Variants in PITPNC1 observed in about 807,000 individuals in gnomAD.
The protein encoded by PITPNC1 is cytoplasmic phosphatidylinositol transfer protein 1.
Under a neutral mutation model 44.7 loss-of-function variants are expected in PITPNC1, and 18 were observed. The observed-to-expected ratio is 0.40, with a 90% CI of 0.28 to 0.60. The LOEUF is 0.60. Among genes scored for constraint, PITPNC1 ranks in the 20% least tolerant of loss-of-function variants. The pLI is 0.39. For missense variants in PITPNC1, 290 were observed against 418.4 expected, an observed-to-expected ratio of 0.69 and a Z score of 2.68; for synonymous variants, 141 against 149.6, an observed-to-expected ratio of 0.94 and a Z score of 0.42.
intron 1 of PITPNC1, among the ~76,000 whole-genome samples, chr17:67,481,476 C>G (rs375936471): frequency 6.6e-6 from 1 of 152,178 alleles, no homozygotes; most frequent in East Asian, 1.9e-4. Flanking sequence ...GCTGGGACAG[C>G]TTTCGGTCTC....
chr17:67,608,234 T>TA (rs150137801), intron 5 of PITPNC1, among the ~76,000 whole-genome samples: 4,169 of 122,228 alleles, frequency 0.034, 204 homozygotes, highest in African/African-American at 0.12. Flanking sequence ...AAATGTCAAT[T>TA]AAAAAAAAAA....
At chr17:67,507,839 C>T (rs372630500) in intron 1 of PITPNC1, among the ~76,000 whole-genome samples, 2 of 152,068 alleles carry the variant, frequency 1.3e-5, no homozygotes, top group East Asian at 3.9e-4. Context: ...CTTCCCCTAC[C>T]CCTTCACTGT....
chr17:67,632,699 G>A (rs2041986960), intron 6 of PITPNC1, among the ~76,000 whole-genome samples: 1 of 149,938 alleles, frequency 6.7e-6, no homozygotes, highest in African/African-American at 2.5e-5. Context: ...TCCTGAGTAT[G>A]TGGGATTACA....
At chr17:67,681,600 C>A (rs1398538943) in intron 8 of PITPNC1, among the ~76,000 whole-genome samples, 11 of 75,494 alleles carry the variant, frequency 1.5e-4, no homozygotes, top group African/African-American at 4.1e-4. Flanking sequence ...CAGAGCAAAA[C>A]CCTATCTCAA....
chr17:67,400,039 A>G (rs935959678), intron 1 of PITPNC1, among the ~76,000 whole-genome samples: 1 of 152,210 alleles, frequency 6.6e-6, no homozygotes, highest in Non-Finnish European at 1.5e-5. Context: ...ACAAGGGGTC[A>G]TGGTCATTGT....
intron 1 of PITPNC1, among the ~76,000 whole-genome samples, chr17:67,425,315 G>T (rs770527980): frequency 6.6e-6 from 1 of 150,738 alleles, no homozygotes; most frequent in Non-Finnish European, 1.5e-5. Flanking sequence ...AATCACCATG[G>T]TATGGGAGAA....
chr17:67,528,788 T>C (rs971906233), intron 1 of PITPNC1, among the ~76,000 whole-genome samples: 2 of 152,198 alleles, frequency 1.3e-5, no homozygotes, highest in Non-Finnish European at 1.5e-5. Context: ...AGATTCAGCA[T>C]TTTTAGGAGT....
intron 3 of PITPNC1, 110 bp from the exon 4 acceptor site, chr17:67,553,499 TC>T (rs2040794763): frequency 2.1e-6 from 1 of 477,614 alleles, no homozygotes; most frequent in South Asian, 4.5e-5. Flanking sequence ...TAATTATAGT[TC>T]GTCAGTATTT....
At chr17:67,378,617 G>A (rs1343518276) in intron 1 of PITPNC1, among the ~76,000 whole-genome samples, 1 of 152,168 alleles carries the variant, frequency 6.6e-6, no homozygotes, top group East Asian at 1.9e-4. Context: ...CGGTCAGGTA[G>A]GGGTGCGAGG....
rs773797594 is a variant in PITPNC1 at position 67,522,659 on chromosome 17, C to CTTTTTTTTT, written c.49-10137_49-10129dup. ...ATATCATAAAATTTACCATTTTAAT[C>CTTTTTTTTT]TTTTTTTTTTTTTTGGAAAATGAGG... On this transcript the variant is annotated intron_variant, in intron 1 of 8. Transcript: ENST00000581322. Among the ~76,000 whole-genome samples the CTTTTTTTTT allele has an allele frequency of 7.6e-3, 886 of 117,144 alleles. 119 individuals are homozygous for CTTTTTTTTT. Among genetic ancestry groups the CTTTTTTTTT allele is most frequent in the African/African-American group, 0.037 (836 of 22,770 alleles). The allele number at this position is 117,144 out of a possible 152,430, so 76.9% of individuals were successfully genotyped here.
intron 6 of PITPNC1, among the ~76,000 whole-genome samples, chr17:67,647,462 GGGTTTTTT>G (rs2042161248): frequency 1.0e-5 from 1 of 96,250 alleles, no homozygotes; most frequent in African/African-American, 5.3e-5. Flanking sequence ...AGCTAATTTT[GGGTTTTTT>G]TTTTTTTTTT....
At chr17:67,605,766 G>A (rs567467093) in intron 5 of PITPNC1, among the ~76,000 whole-genome samples, 23 of 152,298 alleles carry the variant, frequency 1.5e-4, no homozygotes, top group African/African-American at 5.5e-4. Flanking sequence ...CCGTTATCAG[G>A]ACATCAAGTG....
chr17:67,404,367 A>T (rs2038366587), intron 1 of PITPNC1, among the ~76,000 whole-genome samples: 1 of 152,210 alleles, frequency 6.6e-6, no homozygotes, highest in African/African-American at 2.4e-5. Flanking sequence ...CTTGAGGGAA[A>T]CCTTGATTGT....
chr17:67,451,361 AC>A (rs1351443591), intron 1 of PITPNC1, among the ~76,000 whole-genome samples: 10 of 152,134 alleles, frequency 6.6e-5, no homozygotes, highest in African/African-American at 2.2e-4. Context: ...TGATAAACTC[AC>A]CTATCTTAAG....
intron 1 of PITPNC1, among the ~76,000 whole-genome samples, chr17:67,488,524 G>A (rs770161678): frequency 2.2e-4 from 33 of 152,208 alleles, no homozygotes; most frequent in Non-Finnish European, 4.4e-5. Context: ...ATGCCTGAGC[G>A]AACGAAGGAA....
At chr17:67,432,652 G>C (rs1425116735) in intron 1 of PITPNC1, among the ~76,000 whole-genome samples, 14 of 152,196 alleles carry the variant, frequency 9.2e-5, no homozygotes, top group Non-Finnish European at 1.6e-4. Context: ...CAAAGGGTTG[G>C]ACATGGCTGT....
rs571157243 is a variant in PITPNC1, at chr17:67,659,719, CTTTTT to C, written c.463-9788_463-9784del. On this transcript the variant is annotated intron_variant, in intron 6 of 8. Transcript: ENST00000581322. ...TCTCAATTTATTGGTCTTCTCTTTT[CTTTTT>C]ATTTTTTTCCAAATTCAACATTATT... 1.5e-4 allele frequency among the ~76,000 whole-genome samples: 23 copies of C among 152,110 alleles called. No homozygotes were observed. The East Asian group carries it at 4.2e-3, about 28-fold the overall frequency.
chr17:67,550,596 T>G (rs989595705), intron 2 of PITPNC1, among the ~76,000 whole-genome samples: 2 of 152,040 alleles, frequency 1.3e-5, no homozygotes, highest in Non-Finnish European at 2.9e-5. Context: ...TTCTTGATGT[T>G]TCTTATTTCC....
intron 5 of PITPNC1, among the ~76,000 whole-genome samples, chr17:67,603,669 C>G (rs1426217091): frequency 6.6e-6 from 1 of 152,142 alleles, no homozygotes; most frequent in Non-Finnish European, 1.5e-5. Flanking sequence ...GTGGCTCACA[C>G]CTGTAATCCC....
Sources: gnomAD v4.1 joint callset for allele counts (sites outside exome capture counted in the v4.1 genomes callset) on GRCh38, gnomAD v4.1.1 for gene constraint, MANE v1.5 for transcripts, NCBI Gene and HGNC (gene_info 2026-07-23, HGNC 2026-07-21) for gene names.